The following ONECUT2 variants were observed in gnomAD, a reference collection of about 807,000 sequenced individuals.
The protein encoded by ONECUT2 is one cut domain family member 2.
In ONECUT2, 10 loss-of-function variants were observed where a neutral mutation model predicts 27.9. That is an observed-to-expected ratio of 0.36 (90% confidence interval 0.22 to 0.61). The LOEUF is 0.61. Among genes scored for constraint, ONECUT2 ranks in the 20% least tolerant of loss-of-function variants. The pLI, the probability that ONECUT2 is intolerant of heterozygous loss-of-function variation, is 0.73. For synonymous variants in ONECUT2, 334 were observed against 315.1 expected, an observed-to-expected ratio of 1.06 and a Z score of -0.64; for missense variants, 686 against 721.0, an observed-to-expected ratio of 0.95 and a Z score of 0.56.
chr18:57,467,628 G>T (rs1195934475), intron 1 of ONECUT2, among the ~76,000 whole-genome samples: 1 of 152,110 alleles, frequency 6.6e-6, no homozygotes, highest in African/African-American at 2.4e-5. Context: ...GCCTCCCGAA[G>T]TGCTGGGATT....
chr18:57,474,448 G>A (rs1327655985), intron 1 of ONECUT2, among the ~76,000 whole-genome samples: 10 of 152,204 alleles, frequency 6.6e-5, no homozygotes, highest in African/African-American at 2.4e-4. Flanking sequence ...ATTTCTGACA[G>A]TTCTGGAGGC....
At chr18:57,473,344 T>C (rs77282714) in intron 1 of ONECUT2, among the ~76,000 whole-genome samples, 2,440 of 152,304 alleles carry the variant, frequency 0.016, 77 homozygotes, top group African/African-American at 0.056. Flanking sequence ...ATGAAAATCA[T>C]TTTTCCTGAT....
intron 1 of ONECUT2, among the ~76,000 whole-genome samples, chr18:57,443,179 C>G (rs554342860): frequency 5.1e-4 from 77 of 152,240 alleles, no homozygotes; most frequent in Non-Finnish European, 8.5e-4. Context: ...GCAAGGAAGA[C>G]CTCAAGGGAG....
At chr18:57,475,644 GC>G (rs2050378198) in intron 1 of ONECUT2, among the ~76,000 whole-genome samples, 2 of 152,142 alleles carry the variant, frequency 1.3e-5, no homozygotes, top group Admixed American at 6.5e-5. Flanking sequence ...GCATATGTCA[GC>G]CCAGGCATGG....
At chr18:57,471,232 G>A (rs1180032681) in intron 1 of ONECUT2, among the ~76,000 whole-genome samples, 1 of 152,322 alleles carries the variant, frequency 6.6e-6, no homozygotes, top group Non-Finnish European at 1.5e-5. Flanking sequence ...ATGGGTAGGC[G>A]ATGGACAGGG....
chr18:57,452,760 C>G (rs2050238024), intron 1 of ONECUT2, among the ~76,000 whole-genome samples: 1 of 152,218 alleles, frequency 6.6e-6, no homozygotes. Context: ...TCACTTTAAA[C>G]TTTTAAATTT....
intron 1 of ONECUT2, among the ~76,000 whole-genome samples, chr18:57,444,004 A>G (rs2050188855): frequency 6.6e-6 from 1 of 152,246 alleles, no homozygotes; most frequent in Non-Finnish European, 1.5e-5. Flanking sequence ...CTCCTGCAAG[A>G]AGAAAAATAA....
chr18:57,456,813 A>G (rs946205512), intron 1 of ONECUT2, among the ~76,000 whole-genome samples: 4 of 152,236 alleles, frequency 2.6e-5, no homozygotes, highest in Non-Finnish European at 5.9e-5. Context: ...AAAAAATTAA[A>G]AATAGAAAAA....
chr18:57,437,890 G>C (rs2050151954), intron 1 of ONECUT2, among the ~76,000 whole-genome samples: 1 of 152,242 alleles, frequency 6.6e-6, no homozygotes, highest in Non-Finnish European at 1.5e-5. Context: ...CCGGCTGCAG[G>C]CTCCGCCTTT....
intron 1 of ONECUT2, among the ~76,000 whole-genome samples, chr18:57,450,242 C>T (rs923186007): frequency 3.3e-5 from 5 of 152,232 alleles, no homozygotes; most frequent in African/African-American, 1.2e-4. Context: ...GGTGCGATCT[C>T]GGCTAACTGC....
chr18:57,455,872 C>G (rs376890519), intron 1 of ONECUT2, among the ~76,000 whole-genome samples: 8 of 152,108 alleles, frequency 5.3e-5, no homozygotes, highest in Non-Finnish European at 1.2e-4. Context: ...TGGGTAAGGA[C>G]AGTATAGAGT....
intron 1 of ONECUT2, among the ~76,000 whole-genome samples, chr18:57,447,489 C>T (rs2050206932): frequency 6.6e-6 from 1 of 152,212 alleles, no homozygotes; most frequent in Non-Finnish European, 1.5e-5. Flanking sequence ...GAAGAGGAGG[C>T]GGCATCTGGG....
intron 1 of ONECUT2, among the ~76,000 whole-genome samples, chr18:57,462,824 C>G (rs1045500490): frequency 1.3e-5 from 2 of 149,696 alleles, no homozygotes; most frequent in Non-Finnish European, 3.0e-5. Flanking sequence ...CTCTGCCTCC[C>G]AGGTTCAAGC....
At chr18:57,449,315 A>G (rs2144309022) in intron 1 of ONECUT2, among the ~76,000 whole-genome samples, 1 of 152,322 alleles carries the variant, frequency 6.6e-6, no homozygotes, top group Admixed American at 6.5e-5. Flanking sequence ...CAGCCAATAA[A>G]TATCTGTGAA....
rs572711803 is a variant in ONECUT2, at chr18:57,464,218, G to A, written c.1229-12219G>A. 2.0e-4 allele frequency among the ~76,000 whole-genome samples: 31 copies of A among 152,168 alleles called. 1 individual carries two copies. In the South Asian group the frequency reaches 5.4e-3, roughly 26 times the overall value. ...GTAATAATTAAATGAGTTTATACAC[G>A]TAGAATTCTGCCTGTCAAATAATGA... On this transcript the variant is annotated intron_variant, in intron 1 of 1. Transcript: ENST00000491143.
chr18:57,465,770 G>C (rs537131896), intron 1 of ONECUT2, among the ~76,000 whole-genome samples: 1 of 152,298 alleles, frequency 6.6e-6, no homozygotes, highest in Non-Finnish European at 1.5e-5. Context: ...AAGGGTGTAT[G>C]TTTTGCTCAT....
intron 1 of ONECUT2, among the ~76,000 whole-genome samples, chr18:57,449,129 C>T (rs771863183): frequency 7.9e-5 from 12 of 152,186 alleles, no homozygotes; most frequent in Non-Finnish European, 1.3e-4. Flanking sequence ...CCCATGCTTC[C>T]TGTATATAGA....
chr18:57,437,025 G>C (rs913838726), intron 1 of ONECUT2, 81 bp downstream of exon 1: 2 of 1,480,980 alleles, frequency 1.4e-6, no homozygotes, highest in Non-Finnish European at 1.8e-6. Flanking sequence ...TCTGCGCGCC[G>C]AGTCACTTCT....
chr18:57,455,589 T>C (rs1373898197), intron 1 of ONECUT2, among the ~76,000 whole-genome samples: 1 of 152,188 alleles, frequency 6.6e-6, no homozygotes, highest in Non-Finnish European at 1.5e-5. Context: ...GGAGAAAGCA[T>C]CCAAGGGTAA....
Sources: allele counts gnomAD v4.1 joint callset (sites outside exome capture counted in the v4.1 genomes callset), GRCh38; gene constraint gnomAD v4.1.1; transcripts MANE v1.5; gene names NCBI Gene and HGNC (gene_info 2026-07-23, HGNC 2026-07-21).